The following TSR1 variants were observed in gnomAD, a reference collection of about 807,000 sequenced individuals.
TSR1 encodes TSR1 ribosome maturation factor, also known as pre-rRNA-processing protein TSR1 homolog.
In TSR1, 81 loss-of-function variants were observed where a neutral mutation model predicts 90.9. The ratio of observed to expected loss-of-function variants is 0.89; its 90% CI spans 0.74 to 1.07. The LOEUF (loss-of-function observed/expected upper bound fraction) is 1.07, where lower values mean the gene tolerates loss of function less well. TSR1 is among the 50% of genes least tolerant of loss of function. TSR1 has a pLI of 0.00. For missense variants in TSR1, 989 were observed against 987.3 expected (o/e 1.00, Z -0.02); for synonymous variants, 362 against 348.8 (o/e 1.04, Z -0.42).
In TSR1 at chr17:2,333,555, A is replaced by C; in HGVS notation, c.1141+2T>G. The C allele has an allele frequency of 6.2e-7, 1 of 1,613,906 alleles. No individual in the cohort carries two copies. The highest frequency in any genetic ancestry group is 8.5e-7 in the Non-Finnish European group (1 of 1,179,952). Reference sequence around the variant, plus strand: ...ATTACAGACAAGTTTACCAATACTGACCCTTTGCCTCGCTCAGCTCCTCCT... The same window carrying C: ...ATTACAGACAAGTTTACCAATACTGCCCCTTTGCCTCGCTCAGCTCCTCCT... On this transcript the variant is annotated splice_donor_variant, in intron 6 of 14. Transcript: ENST00000301364. LOFTEE classifies it high-confidence loss of function.
rs570222077 is a variant in TSR1, at chr17:2,326,712, C to A, written c.1904-1292G>T. On this transcript the variant is annotated intron_variant, in intron 11 of 14. Coordinates refer to ENST00000301364, the MANE Select transcript of TSR1 (RefSeq NM_018128.5). ...GTGTGAACACAGCTCACTGGAGCCT[C>A]AAACTCCTGGGCCCACTGGCTCAGG... 1.3e-3 allele frequency among the ~76,000 whole-genome samples: 194 copies of A among 152,306 alleles called. 2 individuals are homozygous for A. Among genetic ancestry groups the A allele is most frequent in the South Asian group, 2.1e-3 (10 of 4,826 alleles).
chr17:2,336,010 C>T, intron 2 of TSR1, 27 bp downstream of exon 2: 1 of 1,610,338 alleles, frequency 6.2e-7, no homozygotes, highest in Non-Finnish European at 8.5e-7. Flanking sequence ...AGAGAAGCCG[C>T]ATTCTCCCAA....
intron 9 of TSR1, 107 bp downstream of exon 9, chr17:2,330,839 TC>T: frequency 1.6e-6 from 2 of 1,282,342 alleles, no homozygotes; most frequent in Non-Finnish European, 2.1e-6. Flanking sequence ...ACTCAGGGGC[TC>T]CCCTAATCCC....
Position 2,332,234 on chromosome 17 carries a change from TTGTTTA to T in TSR1, c.1425_1430del (p.Tyr475_Gln477delinsTer). On this transcript the variant is annotated stop_gained and inframe_deletion, in exon 8 of 15. Transcript: ENST00000301364. LOFTEE classifies it high-confidence loss of function. ...CTGGAAACATCTCTTCCAGTCTTTC[TTGTTTA>T]TATTTCTCCAACATTTTTGCCTCAG... 1.9e-6 allele frequency: 3 copies of T among 1,614,170 alleles called. No individual in the cohort carries two copies. Among genetic ancestry groups the T allele is most frequent in the Non-Finnish European group, 2.5e-6 (3 of 1,180,036 alleles).
Position 2,333,068 on chromosome 17 carries a change from A to G in TSR1, c.1198T>C (p.Tyr400His). ...CCATCCAAAATCCATTCAGCTTGGT[A>G]ACTGGATGTTCCTTTGGGGACCTTC... Reference protein sequence around the residue: ...VKKVPKGTSSYQAEWILDGGS... With the variant: ...VKKVPKGTSSHQAEWILDGGS... Residue 400 changes from tyrosine (Y) to histidine (H), a missense_variant, in exon 7 of 15, where the codon TAC (tyrosine) becomes CAC (histidine). Physicochemically the swap from Tyr to His is moderately conservative, Grantham distance 83. Transcript: ENST00000301364. 6.2e-7 allele frequency: 1 copy of G among 1,614,144 alleles called. No homozygotes were observed. Among genetic ancestry groups the G allele is most frequent in the Non-Finnish European group, 8.5e-7 (1 of 1,180,014 alleles).
At position 2,324,153 on chromosome 17, in the gene TSR1, G is replaced by T; in HGVS notation, c.*43C>A. ...TCACAACTTGTGCCTCCCATCCCTG[G>T]AGTACTGACTGGCACCGGTAAGACA... On this transcript the variant is annotated 3_prime_UTR_variant, in exon 15 of 15. Transcript: ENST00000301364. The T allele has an allele frequency of 4.0e-6, 6 of 1,510,482 alleles. No individual in the cohort carries two copies. The highest frequency in any genetic ancestry group is 1.4e-5 in the South Asian group (1 of 71,574). 93.6% of individuals were successfully genotyped at this position (1,510,482 alleles called of 1,614,324 possible). A position where few individuals can be genotyped will look rare whatever the true frequency, so the allele number is the denominator to read the frequency against.
chr17:2,335,251 C>G lies in TSR1; in HGVS notation c.556+9G>C. ...ATTAAAGGTGCACAATAAATGCTAA[C>G]TCACTTACTATAGGTCGGAAGGCCC... On this transcript the variant is annotated intron_variant, in intron 4 of 14. Coordinates refer to ENST00000301364, the MANE Select transcript of TSR1 (RefSeq NM_018128.5). 1 of 1,612,798 alleles carries G rather than the reference C, an allele frequency of 6.2e-7. No individual in the cohort carries two copies. Among genetic ancestry groups the G allele is most frequent in the African/African-American group, 1.3e-5 (1 of 74,978 alleles).
intron 2 of TSR1, 58 bp downstream of exon 2, chr17:2,335,979 G>T: frequency 1.3e-6 from 2 of 1,555,878 alleles, no homozygotes; most frequent in Non-Finnish European, 8.9e-7. Flanking sequence ...CCACTTCGAG[G>T]CATTAGCCAC....
At chr17:2,328,605 C>A (rs549093827) in intron 11 of TSR1, among the ~76,000 whole-genome samples, 1 of 143,806 alleles carries the variant, frequency 7.0e-6, no homozygotes, top group Non-Finnish European at 1.5e-5. Flanking sequence ...AACAAACAAA[C>A]AAACAAACAA....
chr17:2,335,985 G>T, intron 2 of TSR1, 52 bp downstream of exon 2: 1 of 1,577,370 alleles, frequency 6.3e-7, no homozygotes, highest in Non-Finnish European at 8.7e-7. Context: ...CGAGGCATTA[G>T]CCACCTAGAA....
chr17:2,329,575 T>C, intron 10 of TSR1, 100 bp from the exon 11 acceptor site: 1 of 1,404,678 alleles, frequency 7.1e-7, no homozygotes, highest in Non-Finnish European at 9.8e-7. Context: ...AGACTCATTC[T>C]AAGAACTGAC....
chr17:2,323,949 CT>C lies in TSR1; in HGVS notation c.*246del. 7.4e-7 allele frequency: 1 copy of C among 1,351,590 alleles called. No homozygotes were observed. Among genetic ancestry groups the C allele is most frequent in the Non-Finnish European group, 1.0e-6 (1 of 971,062 alleles). The allele number at this position is 1,351,590 out of a possible 1,614,324, so 83.7% of individuals were successfully genotyped here. ...ATTTTGTTTCCTAGTATTGTCAACT[CT>C]TAGTTATCAGATTCTTAATGGAGAG... On this transcript the variant is annotated 3_prime_UTR_variant, in exon 15 of 15. Transcript: ENST00000301364.
chr17:2,336,027 C>T lies in TSR1; in HGVS notation c.201+10G>A, dbSNP rs375251920. The T allele has an allele frequency of 1.1e-5, 17 of 1,613,918 alleles. No individual in the cohort carries two copies. The highest frequency in any genetic ancestry group is 1.4e-5 in the Non-Finnish European group (17 of 1,179,910). ...AGAAGCCGCATTCTCCCAAATCCCG[C>T]TCCTCTCACCGCCTCCTTCTTCTGC... On this transcript the variant is annotated intron_variant, in intron 2 of 14. Transcript: ENST00000301364.
In TSR1 at chr17:2,333,709, G is replaced by A. The variant is rs189833648; in HGVS notation, c.989C>T (p.Ala330Val). The A allele has an allele frequency of 1.2e-4, 193 of 1,614,000 alleles. No homozygotes were observed. The highest frequency in any genetic ancestry group is 7.2e-4 in the Admixed American group (43 of 59,998). The change falls in exon 6 of 15, where the codon GCT (alanine) becomes GTT (valine). Residue 330 changes from alanine to valine, a missense_variant. Transcript: ENST00000301364. ...TTCCATATCATCTACAGCATCCGTAGCACAAATCTGAAAACCAAAAGCAGG... is the reference window on the plus strand; with the variant it reads ...TTCCATATCATCTACAGCATCCGTAACACAAATCTGAAAACCAAAAGCAGG... Reference protein sequence around the residue: ...KDPDMAMEICATDAVDDMEEG... With the variant: ...KDPDMAMEICVTDAVDDMEEG...
chr17:2,328,255 A>C lies in TSR1; in HGVS notation c.1903+1088T>G, dbSNP rs1447220898. Among the ~76,000 whole-genome samples the C allele has an allele frequency of 4.0e-5, 6 of 151,288 alleles. No homozygotes were observed. The South Asian group carries it at 1.3e-3, about 32-fold the overall frequency. On this transcript the variant is annotated intron_variant, in intron 11 of 14. Coordinates refer to ENST00000301364, the MANE Select transcript of TSR1 (RefSeq NM_018128.5). ...AGACTCGGTCTCAAAAAAAAAAAAAAAAAAAAAGAGGCCAGGCACATTGGC... is the reference window on the plus strand; with the variant it reads ...AGACTCGGTCTCAAAAAAAAAAAAACAAAAAAAGAGGCCAGGCACATTGGC...
intron 14 of TSR1, 59 bp downstream of exon 14, chr17:2,324,445 C>T (rs1201328819): frequency 3.1e-6 from 5 of 1,612,002 alleles, no homozygotes; most frequent in Non-Finnish European, 4.2e-6. Context: ...TCCAACCCAA[C>T]AGTCATTTAG....
chr17:2,324,425 AG>A, intron 14 of TSR1, 51 bp from the exon 15 acceptor site: 1 of 1,603,814 alleles, frequency 6.2e-7, no homozygotes, highest in South Asian at 1.1e-5. Context: ...AAAATTTTAA[AG>A]CAATGACTTC....
chr17:2,327,416 CAAA>C (rs770269783), intron 11 of TSR1, among the ~76,000 whole-genome samples: 6 of 126,612 alleles, frequency 4.7e-5, no homozygotes. Flanking sequence ...GACTCTATAT[CAAA>C]AAAAAAAAAA....
At position 2,329,346 on chromosome 17, in the gene TSR1, C is replaced by T. The variant is rs756007188; in HGVS notation, c.1900G>A (p.Ala634Thr). The T allele has an allele frequency of 1.2e-6, 2 of 1,614,160 alleles. No homozygotes were observed. ...RASPLFSQHT[A>T]ADKHKLQRFL... is the part of the protein sequence containing the mutation. ...ACCCAGCTTCCCCATTGCTAACCTGCAGTGTGCTGAGAGAATAAAGGTGAG... is the reference window on the plus strand; with the variant it reads ...ACCCAGCTTCCCCATTGCTAACCTGTAGTGTGCTGAGAGAATAAAGGTGAG... Residue 634 changes from alanine to threonine, a missense_variant, in exon 11 of 15, where the codon GCA becomes ACA. By Grantham distance (58) the Ala-to-Thr change is moderately conservative. Coordinates refer to ENST00000301364, the MANE Select transcript of TSR1 (RefSeq NM_018128.5).
Sources: gnomAD v4.1 joint callset for allele counts (sites outside exome capture counted in the v4.1 genomes callset) on GRCh38, gnomAD v4.1.1 for gene constraint, MANE v1.5 for transcripts, NCBI Gene and HGNC (gene_info 2026-07-23, HGNC 2026-07-21) for gene names.